The following SV2C variants were observed in gnomAD, a reference collection of about 807,000 sequenced individuals.
SV2C encodes the protein solute carrier family 22 member B3.
Under a neutral mutation model 79.7 loss-of-function variants are expected in SV2C, and 49 were observed. That is an observed-to-expected ratio of 0.61 (90% CI 0.49 to 0.78). SV2C has a LOEUF of 0.78. Ranked by LOEUF, SV2C falls within the 30% of genes least tolerant of loss-of-function variation. SV2C has a pLI of 0.00. For synonymous variants in SV2C, 334 were observed against 333.2 expected, an observed-to-expected ratio of 1.00 and a Z score of -0.03; for missense variants, 833 against 912.9, an observed-to-expected ratio of 0.91 and a Z score of 1.13.
the SV2C span, among the ~76,000 whole-genome samples, chr5:76,038,890 T>TTGTAAATGCTCAG: frequency 2.0e-5 from 3 of 152,204 alleles, no homozygotes; most frequent in African/African-American, 7.2e-5. Context: ...CACCTTTACT[T>TTGTAAATGCTCAG]TGTAAATGCT....
At chr5:76,339,872 G>A (rs969615424) in intron 12 of SV2C, among the ~76,000 whole-genome samples, 1 of 152,184 alleles carries the variant, frequency 6.6e-6, no homozygotes. Context: ...TAGGGGCTGG[G>A]TAAATGAGGC....
At chr5:75,973,964 G>A in the SV2C span, among the ~76,000 whole-genome samples, 97 of 151,818 alleles carry the variant, frequency 6.4e-4, 3 homozygotes, top group South Asian at 0.018. Context: ...ATGGGAATAT[G>A]GTATTATTAA....
At chr5:75,885,100 ATTGT>A in the SV2C span, among the ~76,000 whole-genome samples, 1 of 152,128 alleles carries the variant, frequency 6.6e-6, no homozygotes, top group Non-Finnish European at 1.5e-5. Flanking sequence ...TTTAATGCTG[ATTGT>A]TTTAAAGTGT....
At chr5:76,078,652 G>A (rs756430669), upstream of SV2C, 127 of 433,412 alleles carry the variant, frequency 2.9e-4, no homozygotes, top group Admixed American at 5.8e-4. Flanking sequence ...GCACAGGGAG[G>A]GCCTCGCCTC....
chr5:76,111,717 C>G (rs779701734), intron 1 of SV2C, among the ~76,000 whole-genome samples: 7 of 152,186 alleles, frequency 4.6e-5, no homozygotes, highest in Non-Finnish European at 1.0e-4. Flanking sequence ...CAGTATTATA[C>G]TGAGAGGCCG....
chr5:76,281,209 G>C, intron 4 of SV2C: 1 of 531,486 alleles, frequency 1.9e-6, no homozygotes, highest in Non-Finnish European at 3.8e-6. Context: ...AAACAGAAAA[G>C]ACAACAACAG....
At chr5:76,165,920 A>C (rs574779583) in intron 2 of SV2C, among the ~76,000 whole-genome samples, 2 of 152,170 alleles carry the variant, frequency 1.3e-5, no homozygotes, top group Non-Finnish European at 2.9e-5. Flanking sequence ...GCCATGCTCC[A>C]ACCCAGACCA....
At chr5:76,168,583 C>T (rs143899734) in intron 2 of SV2C, among the ~76,000 whole-genome samples, 14 of 152,310 alleles carry the variant, frequency 9.2e-5, no homozygotes, top group South Asian at 2.1e-4. Context: ...GGCTCCGGGC[C>T]GCGCTGCATT....
At chr5:75,933,581 C>A in the SV2C span, among the ~76,000 whole-genome samples, 2 of 152,160 alleles carry the variant, frequency 1.3e-5, no homozygotes, top group Non-Finnish European at 2.9e-5. Flanking sequence ...GGAAGAACTA[C>A]CCTAGGGCAG....
chr5:75,968,296 C>T, the SV2C span, among the ~76,000 whole-genome samples: 1 of 152,174 alleles, frequency 6.6e-6, no homozygotes, highest in Non-Finnish European at 1.5e-5. Context: ...AATGCAGCTC[C>T]TCACCAGCAA....
intron 2 of SV2C, among the ~76,000 whole-genome samples, chr5:76,177,472 T>C (rs1032106698): frequency 6.6e-6 from 1 of 151,846 alleles, no homozygotes; most frequent in Non-Finnish European, 1.5e-5. Flanking sequence ...CAATAACTGA[T>C]AATAAAATAA....
downstream of SV2C, among the ~76,000 whole-genome samples, chr5:76,338,522 A>C (rs571115745): frequency 6.6e-6 from 1 of 152,292 alleles, no homozygotes; most frequent in South Asian, 2.1e-4. Flanking sequence ...CTTTGCAAAC[A>C]TTGGACATAT....
the SV2C span, among the ~76,000 whole-genome samples, chr5:75,916,784 T>C: frequency 2.7e-5 from 4 of 149,902 alleles, no homozygotes; most frequent in Non-Finnish European, 6.0e-5. Flanking sequence ...CCTCATCATC[T>C]TCTTTACCTC....
intron 1 of SV2C, among the ~76,000 whole-genome samples, chr5:76,119,792 C>T (rs1748419841): frequency 2.0e-5 from 3 of 152,132 alleles, no homozygotes; most frequent in Admixed American, 2.0e-4. Flanking sequence ...AGCAGGCAAA[C>T]ATTCCTATTG....
intron 4 of SV2C, chr5:76,281,132 A>G (rs891381332): frequency 5.0e-5 from 27 of 542,076 alleles, no homozygotes; most frequent in African/African-American, 9.6e-5. Flanking sequence ...ATGACAAGAT[A>G]TGGACAACTA....
At position 76,232,972 on chromosome 5, in the gene SV2C, G is replaced by A. The variant is rs1457998954; in HGVS notation, c.913+23085G>A. Among the ~76,000 whole-genome samples, 3 of 140,980 alleles carry A rather than the reference G, an allele frequency of 2.1e-5. No individual in the cohort carries two copies. In the East Asian group the frequency reaches 5.8e-4, roughly 27 times the overall value. 92.5% of individuals were successfully genotyped at this position (140,980 alleles called of 152,430 possible). A position where few individuals can be genotyped will look rare whatever the true frequency, so the allele number is the denominator to read the frequency against. Reference sequence around the variant, plus strand: ...TTCAAGTAGTTTTTTCCAATTCTGTGAAGAAAGTCATTGGTAGCTTGATGG... The same window carrying A: ...TTCAAGTAGTTTTTTCCAATTCTGTAAAGAAAGTCATTGGTAGCTTGATGG... On this transcript the variant is annotated intron_variant, in intron 4 of 12. Transcript: ENST00000502798.
At chr5:75,879,814 T>C in the SV2C span, among the ~76,000 whole-genome samples, 4 of 152,232 alleles carry the variant, frequency 2.6e-5, no homozygotes, top group African/African-American at 7.2e-5. Context: ...ATTGCCCTAG[T>C]AGAGTTTCTC....
chr5:76,265,718 G>GC lies in SV2C; in HGVS notation c.914-19438dup, dbSNP rs1417898887. ...GGCTTCCCTTGGATGGGAAAGGGAGGCCCCCCTCCACCGCTCCTTGCACTC... is the reference window on the plus strand; with the variant it reads ...GGCTTCCCTTGGATGGGAAAGGGAGGCCCCCCCTCCACCGCTCCTTGCACTC... On this transcript the variant is annotated intron_variant, in intron 4 of 12. Transcript: ENST00000502798. Among the ~76,000 whole-genome samples, 4 of 152,038 alleles carry GC rather than the reference G, an allele frequency of 2.6e-5. No individual in the cohort carries two copies. In the South Asian group the frequency reaches 6.2e-4, roughly 24 times the overall value.
the SV2C span, among the ~76,000 whole-genome samples, chr5:75,853,902 T>C: frequency 0.071 from 10,763 of 151,348 alleles, 860 homozygotes; most frequent in African/African-American, 0.2. Context: ...AAATAAATTC[T>C]TAAAATTGCA....
Sources: gnomAD v4.1 joint callset for allele counts (sites outside exome capture counted in the v4.1 genomes callset) on GRCh38, gnomAD v4.1.1 for gene constraint, MANE v1.5 for transcripts, NCBI Gene and HGNC (gene_info 2026-07-23, HGNC 2026-07-21) for gene names.